The following PRKAG2 variants were observed in gnomAD, a reference collection of about 807,000 sequenced individuals.
PRKAG2 encodes the protein 5'-AMP-activated protein kinase subunit gamma-2.
A neutral mutation model predicts 69.6 loss-of-function variants in PRKAG2; 26 were observed. The ratio of observed to expected loss-of-function variants is 0.37; its 90% CI spans 0.27 to 0.52. PRKAG2 has a LOEUF of 0.52. Ranked by LOEUF, PRKAG2 falls within the 20% of genes least tolerant of loss-of-function variation. PRKAG2 has a pLI of 0.90. For synonymous variants in PRKAG2, 293 were observed against 285.0 expected (o/e 1.03, Z -0.28); for missense variants, 557 against 740.0 (o/e 0.75, Z 2.87).
intron 5 of PRKAG2, among the ~76,000 whole-genome samples, chr7:151,623,939 T>C (rs1333862038): frequency 6.6e-6 from 1 of 152,108 alleles, no homozygotes; most frequent in Non-Finnish European, 1.5e-5. Flanking sequence ...GACGGAACAA[T>C]GAAACATTCC....
chr7:151,600,021 C>A (rs1252758130), intron 5 of PRKAG2, among the ~76,000 whole-genome samples: 2 of 152,200 alleles, frequency 1.3e-5, no homozygotes, highest in Admixed American at 1.3e-4. Flanking sequence ...GTTTGTGGCC[C>A]AGTGAACTCC....
At chr7:151,868,824 T>A (rs1000095280) in intron 1 of PRKAG2, among the ~76,000 whole-genome samples, 4 of 152,042 alleles carry the variant, frequency 2.6e-5, no homozygotes, top group African/African-American at 9.7e-5. Flanking sequence ...TACACCAAAA[T>A]CAGCTCTTAT....
intron 4 of PRKAG2, among the ~76,000 whole-genome samples, chr7:151,644,439 G>T (rs991386933): frequency 6.6e-6 from 1 of 152,160 alleles, no homozygotes; most frequent in Non-Finnish European, 1.5e-5. Context: ...GAATCATACA[G>T]TATATGTGCT....
At chr7:151,855,306 ACACACACCACCCTCC>A (rs1243097591) in intron 1 of PRKAG2, among the ~76,000 whole-genome samples, 2 of 10,290 alleles carry the variant, frequency 1.9e-4, no homozygotes, top group Non-Finnish European at 3.0e-4. Flanking sequence ...ACCACCCTCC[ACACACACCACCCTCC>A]CACACACCGC....
intron 1 of PRKAG2, among the ~76,000 whole-genome samples, chr7:151,812,087 AAT>A (rs1209296366): frequency 1.3e-5 from 2 of 152,188 alleles, no homozygotes; most frequent in African/African-American, 2.4e-5. Flanking sequence ...TATTTACCAA[AAT>A]ATGCAATACA....
chr7:151,651,310 C>A (rs183233335), intron 4 of PRKAG2, among the ~76,000 whole-genome samples: 4 of 152,100 alleles, frequency 2.6e-5, no homozygotes, highest in African/African-American at 9.7e-5. Context: ...AAGATCCATT[C>A]GAAATACAAG....
rs1563476709 is a variant in PRKAG2, at chr7:151,703,911, A to ACACACACACACAC, written c.467-28275_467-28274insGTGTGTGTGTGTG. Among the ~76,000 whole-genome samples, 17 of 103,712 alleles carry ACACACACACACAC rather than the reference A, an allele frequency of 1.6e-4. No individual in the cohort carries two copies. The South Asian group carries it at 3.1e-3, about 19-fold the overall frequency. 68.0% of individuals were successfully genotyped at this position (103,712 alleles called of 152,430 possible). ...ACACACACACACACACACACACACA[A>ACACACACACACAC]ATTAGCTAGGCATGGTGGCAGGTGC... On this transcript the variant is annotated intron_variant, in intron 3 of 15. Coordinates refer to ENST00000287878, the MANE Select transcript of PRKAG2 (RefSeq NM_016203.4).
chr7:151,803,257 C>T (rs1291942571), intron 1 of PRKAG2, among the ~76,000 whole-genome samples: 1 of 152,128 alleles, frequency 6.6e-6, no homozygotes, highest in Non-Finnish European at 1.5e-5. Flanking sequence ...TGTGCCTGAC[C>T]TAGATAAGTG....
intron 4 of PRKAG2, among the ~76,000 whole-genome samples, chr7:151,655,457 C>G (rs1299308989): frequency 6.6e-6 from 1 of 152,144 alleles, no homozygotes; most frequent in African/African-American, 2.4e-5. Flanking sequence ...GGCAGCCTCT[C>G]TAGGACTAAA....
intron 1 of PRKAG2, among the ~76,000 whole-genome samples, chr7:151,793,659 G>C (rs542323268): frequency 1.3e-5 from 2 of 152,174 alleles, no homozygotes; most frequent in African/African-American, 4.8e-5. Context: ...CCTGGATCTC[G>C]CCCCAAGTGG....
At chr7:151,816,383 G>C (rs890078723) in intron 1 of PRKAG2, among the ~76,000 whole-genome samples, 2 of 151,976 alleles carry the variant, frequency 1.3e-5, no homozygotes, top group African/African-American at 4.8e-5. Flanking sequence ...TGTTCCTCAA[G>C]GTCCCTTTCA....
Position 151,677,368 on chromosome 7 carries a change from T to G in PRKAG2, c.467-1731A>C, listed in dbSNP as rs150951353. Among the ~76,000 whole-genome samples, 8 of 152,196 alleles carry G rather than the reference T, an allele frequency of 5.3e-5. No homozygotes were observed. In the East Asian group the frequency reaches 1.5e-3, roughly 29 times the overall value. On this transcript the variant is annotated intron_variant, in intron 3 of 15. Transcript: ENST00000287878. ...GGCCTGGCTAATCTTTTAAAAATAT[T>G]TTTAGTAGACATGGGGTTTCACCAT...
intron 6 of PRKAG2, among the ~76,000 whole-genome samples, chr7:151,578,395 C>T (rs1809511537): frequency 6.6e-6 from 1 of 152,148 alleles, no homozygotes; most frequent in South Asian, 2.1e-4. Context: ...TCCTTGTTAA[C>T]TTACTAATGA....
chr7:151,847,831 C>T (rs540600100), intron 1 of PRKAG2, among the ~76,000 whole-genome samples: 6 of 152,232 alleles, frequency 3.9e-5, no homozygotes, highest in South Asian at 4.1e-4. Flanking sequence ...CGGAAGCATC[C>T]GTTTAGGCAG....
intron 3 of PRKAG2, among the ~76,000 whole-genome samples, chr7:151,716,096 C>T (rs760527301): frequency 3.9e-5 from 6 of 152,122 alleles, no homozygotes; most frequent in Non-Finnish European, 8.8e-5. Context: ...GGCTTCAGTA[C>T]GCTCTTTTCT....
intron 3 of PRKAG2, among the ~76,000 whole-genome samples, chr7:151,750,593 T>C (rs546331449): frequency 6.6e-6 from 1 of 152,208 alleles, no homozygotes; most frequent in South Asian, 2.1e-4. Context: ...TGCTAAGAGC[T>C]GTGGGAAGGG....
intron 3 of PRKAG2, among the ~76,000 whole-genome samples, chr7:151,735,547 T>C (rs60791946): frequency 0.48 from 73,531 of 152,050 alleles, 18,397 homozygotes; most frequent in African/African-American, 0.6. Context: ...CTAAACTGCA[T>C]GTTTCATTTT....
chr7:151,601,103 GTGTCCTGGGCCC>G (rs1815956243), intron 5 of PRKAG2, among the ~76,000 whole-genome samples: 1 of 152,088 alleles, frequency 6.6e-6, no homozygotes, highest in South Asian at 2.1e-4. Context: ...GAGGACCCCT[GTGTCCTGGGCCC>G]TGTCCTGGGG....
At chr7:151,626,041 C>G (rs550703662) in intron 5 of PRKAG2, among the ~76,000 whole-genome samples, 1 of 152,310 alleles carries the variant, frequency 6.6e-6, no homozygotes, top group African/African-American at 2.4e-5. Flanking sequence ...AGAGGCCATT[C>G]TTCAACACAT....
Sources: allele counts gnomAD v4.1 joint callset (sites outside exome capture counted in the v4.1 genomes callset), GRCh38; gene constraint gnomAD v4.1.1; transcripts MANE v1.5; gene names NCBI Gene and HGNC (gene_info 2026-07-23, HGNC 2026-07-21).